The following KLF12 variants were observed in gnomAD, a reference collection of about 807,000 sequenced individuals.
The protein encoded by KLF12 is Krueppel-like factor 12.
A neutral mutation model predicts 37.8 loss-of-function variants in KLF12; 9 were observed. The observed-to-expected ratio is 0.24, with a 90% confidence interval of 0.14 to 0.42. The LOEUF is 0.42. Ranked by LOEUF, KLF12 falls within the 10% of genes least tolerant of loss-of-function variation. KLF12 has a pLI of 1.00. For missense variants in KLF12, 411 were observed against 516.0 expected, an observed-to-expected ratio of 0.80 and a Z score of 1.97; for synonymous variants, 208 against 202.1, an observed-to-expected ratio of 1.03 and a Z score of -0.25.
chr13:74,275,590 A>G, the KLF12 span, among the ~76,000 whole-genome samples: 1 of 152,114 alleles, frequency 6.6e-6, no homozygotes, highest in East Asian at 1.9e-4. Context: ...AGTATGGTTT[A>G]ATTATTGTAT....
At chr13:74,165,256 C>T in the KLF12 span, among the ~76,000 whole-genome samples, 1 of 151,240 alleles carries the variant, frequency 6.6e-6, no homozygotes, top group Admixed American at 6.6e-5. Context: ...TCTTTTCATC[C>T]TTCAACTTTG....
intron 3 of KLF12, among the ~76,000 whole-genome samples, chr13:73,868,168 C>T (rs573152920): frequency 2.7e-5 from 4 of 150,882 alleles, no homozygotes; most frequent in Non-Finnish European, 5.9e-5. Context: ...TAAAATTAGC[C>T]GGGCATGGTG....
upstream of KLF12, among the ~76,000 whole-genome samples, chr13:74,138,817 T>C (rs1171649901): frequency 6.6e-6 from 1 of 152,178 alleles, no homozygotes. Flanking sequence ...TTGGCACAAA[T>C]TAGTTACAAC....
intron 1 of KLF12, among the ~76,000 whole-genome samples, chr13:74,128,982 T>C (rs781686598): frequency 6.6e-6 from 1 of 152,144 alleles, no homozygotes; most frequent in Non-Finnish European, 1.5e-5. Flanking sequence ...TAAAGATAAA[T>C]ACTAAATATA....
intron 1 of KLF12, among the ~76,000 whole-genome samples, chr13:74,004,016 G>C (rs953338957): frequency 1.3e-5 from 2 of 152,026 alleles, no homozygotes; most frequent in Non-Finnish European, 2.9e-5. Context: ...AGAGTAAGCA[G>C]GTTAAGGGCT....
intron 1 of KLF12, among the ~76,000 whole-genome samples, chr13:73,999,510 GA>G (rs765994415): frequency 2.6e-5 from 4 of 151,938 alleles, no homozygotes; most frequent in Non-Finnish European, 5.9e-5. Context: ...CAGGTGGGCA[GA>G]TCACGAGGTC....
At chr13:73,703,300 G>A (rs1027280930) in intron 7 of KLF12, among the ~76,000 whole-genome samples, 1 of 152,086 alleles carries the variant, frequency 6.6e-6, no homozygotes, top group African/African-American at 2.4e-5. Context: ...AGTTAAAAAT[G>A]GATCCTGTTT....
chr13:74,057,828 A>G (rs1164160663), intron 1 of KLF12, among the ~76,000 whole-genome samples: 1 of 152,222 alleles, frequency 6.6e-6, no homozygotes, highest in African/African-American at 2.4e-5. Flanking sequence ...AAGGGAGAAG[A>G]GAAAGATGAA....
chr13:74,096,484 T>C (rs1248066551), intron 1 of KLF12, among the ~76,000 whole-genome samples: 5 of 152,224 alleles, frequency 3.3e-5, no homozygotes, highest in African/African-American at 9.6e-5. Flanking sequence ...CTATGCAAGA[T>C]GTACACTAAA....
chr13:74,053,687 C>A (rs979428613), intron 1 of KLF12, among the ~76,000 whole-genome samples: 2 of 152,124 alleles, frequency 1.3e-5, no homozygotes, highest in African/African-American at 4.8e-5. Context: ...GGACTCAGCA[C>A]AAGCAGATGT....
At chr13:74,055,868 C>T (rs1873217072) in intron 1 of KLF12, among the ~76,000 whole-genome samples, 1 of 152,204 alleles carries the variant, frequency 6.6e-6, no homozygotes, top group Non-Finnish European at 1.5e-5. Flanking sequence ...GAAGGACAAA[C>T]AGCAGGCTTG....
At chr13:74,157,136 G>C in the KLF12 span, among the ~76,000 whole-genome samples, 1 of 152,160 alleles carries the variant, frequency 6.6e-6, no homozygotes, top group African/African-American at 2.4e-5. Flanking sequence ...TAAACATTTA[G>C]TGGCTGCCTA....
intron 4 of KLF12, among the ~76,000 whole-genome samples, chr13:73,836,048 A>C (rs1260923692): frequency 6.6e-6 from 1 of 152,222 alleles, no homozygotes; most frequent in Non-Finnish European, 1.5e-5. Context: ...AAAGAAAAAA[A>C]AAAAGGTGAA....
intron 6 of KLF12, among the ~76,000 whole-genome samples, chr13:73,726,884 G>T (rs1343903689): frequency 2.0e-5 from 3 of 152,176 alleles, no homozygotes; most frequent in Admixed American, 6.5e-5. Context: ...TAAAGTGGTT[G>T]TACCATTTTA....
intron 3 of KLF12, among the ~76,000 whole-genome samples, chr13:73,878,983 T>TAG (rs1197665404): frequency 2.6e-5 from 4 of 152,160 alleles, no homozygotes; most frequent in Non-Finnish European, 5.9e-5. Context: ...AGTTTTTGAA[T>TAG]AGAGGGCTGA....
chr13:74,095,926 T>C (rs913745938), intron 1 of KLF12, among the ~76,000 whole-genome samples: 5 of 152,196 alleles, frequency 3.3e-5, no homozygotes, highest in Non-Finnish European at 7.3e-5. Context: ...CAGTTCCACA[T>C]AGAAACACAC....
chr13:74,191,348 A>G, the KLF12 span, among the ~76,000 whole-genome samples: 6 of 152,282 alleles, frequency 3.9e-5, no homozygotes, highest in Admixed American at 1.3e-4. Context: ...TTCCTTCTTG[A>G]CCACTCTTAG....
chr13:73,803,223 A>G (rs1374439359), intron 5 of KLF12, among the ~76,000 whole-genome samples: 4 of 152,228 alleles, frequency 2.6e-5, no homozygotes, highest in Admixed American at 2.6e-4. Context: ...GTTGGCCTCT[A>G]TGAAGTTCAG....
At chr13:74,183,177 T>C in the KLF12 span, among the ~76,000 whole-genome samples, 1 of 152,316 alleles carries the variant, frequency 6.6e-6, no homozygotes, top group African/African-American at 2.4e-5. Flanking sequence ...TACTCTTTGC[T>C]TGGTGCTGGG....
Sources: allele counts gnomAD v4.1 joint callset (sites outside exome capture counted in the v4.1 genomes callset), GRCh38; gene constraint gnomAD v4.1.1; transcripts MANE v1.5; gene names NCBI Gene and HGNC (gene_info 2026-07-23, HGNC 2026-07-21).